Variants in TMPRSS11E observed in about 807,000 individuals in gnomAD.
TMPRSS11E encodes transmembrane serine protease 11E, also known as transmembrane protease serine 11E.
A neutral mutation model predicts 48.1 loss-of-function variants in TMPRSS11E; 38 were observed. The observed-to-expected ratio is 0.79, with a 90% CI of 0.61 to 1.04. The LOEUF (loss-of-function observed/expected upper bound fraction) is 1.04, where lower values mean the gene tolerates loss of function less well. Ranked by LOEUF, TMPRSS11E falls within the 50% of genes least tolerant of loss-of-function variation. TMPRSS11E has a pLI of 0.00. For missense variants in TMPRSS11E, 530 were observed against 510.8 expected (o/e 1.04, Z -0.36); for synonymous variants, 158 against 171.9 (o/e 0.92, Z 0.63).
chr4:68,495,315 A>C (rs921141845), intron 9 of TMPRSS11E, among the ~76,000 whole-genome samples: 1 of 151,608 alleles, frequency 6.6e-6, no homozygotes, highest in African/African-American at 2.4e-5. Context: ...TTATTCTCGG[A>C]CTCATTTATT....
chr4:68,464,354 A>G (rs1235926290), intron 2 of TMPRSS11E, among the ~76,000 whole-genome samples: 3 of 152,160 alleles, frequency 2.0e-5, no homozygotes, highest in Non-Finnish European at 4.4e-5. Flanking sequence ...GACAATGTAG[A>G]ATTCTGTGTA....
At chr4:68,471,699 T>G in intron 5 of TMPRSS11E, 76 bp downstream of exon 5, 1 of 1,228,574 alleles carries the variant, frequency 8.1e-7, no homozygotes, top group Non-Finnish European at 1.1e-6. Context: ...ATTAAAAAAT[T>G]TTTTTTGATG....
Position 68,447,470 on chromosome 4 carries a change from T to C in TMPRSS11E, c.-43T>C. On this transcript the variant is annotated 5_prime_UTR_variant, in exon 1 of 10. It removes an upstream start codon present in the reference 5' UTR. Coordinates refer to ENST00000305363, the MANE Select transcript of TMPRSS11E (RefSeq NM_014058.4). Reference sequence around the variant, plus strand: ...ATAGAGCTGGATTCACACACTTGGATGTAGACCTCGACCTTCACAGGACTC... The same window carrying C: ...ATAGAGCTGGATTCACACACTTGGACGTAGACCTCGACCTTCACAGGACTC... 1 of 1,603,272 alleles carries C rather than the reference T, an allele frequency of 6.2e-7. No individual in the cohort carries two copies. Among genetic ancestry groups the C allele is most frequent in the East Asian group, 2.2e-5 (1 of 44,500 alleles).
At chr4:68,470,474 G>A (rs934602445) in intron 4 of TMPRSS11E, among the ~76,000 whole-genome samples, 3 of 151,898 alleles carry the variant, frequency 2.0e-5, no homozygotes, top group South Asian at 2.1e-4. Context: ...ACTTATTTTC[G>A]TGTCCTGAAA....
At chr4:68,493,475 TG>T (rs918856637) in intron 9 of TMPRSS11E, among the ~76,000 whole-genome samples, 8 of 152,064 alleles carry the variant, frequency 5.3e-5, no homozygotes, top group Non-Finnish European at 1.2e-4. Flanking sequence ...CCCATTTTTT[TG>T]GGGGGGAGGG....
chr4:68,462,515 G>A (rs1406572055), intron 2 of TMPRSS11E, among the ~76,000 whole-genome samples: 2 of 150,982 alleles, frequency 1.3e-5, no homozygotes, highest in Admixed American at 6.6e-5. Context: ...CCCAGGAGGC[G>A]GAGGTTTCAG....
At chr4:68,463,216 A>G (rs1728841235) in intron 2 of TMPRSS11E, among the ~76,000 whole-genome samples, 1 of 152,230 alleles carries the variant, frequency 6.6e-6, no homozygotes, top group Admixed American at 6.5e-5. Context: ...AATATTTAAA[A>G]CAAAGATTTT....
chr4:68,449,187 T>C (rs927316735), intron 1 of TMPRSS11E, among the ~76,000 whole-genome samples: 1 of 151,688 alleles, frequency 6.6e-6, no homozygotes, highest in Non-Finnish European at 1.5e-5. Context: ...ATTATTCTTC[T>C]TGTACTGCCA....
chr4:68,488,584 G>C (rs1340263233), intron 9 of TMPRSS11E, among the ~76,000 whole-genome samples: 1 of 151,916 alleles, frequency 6.6e-6, no homozygotes, highest in Non-Finnish European at 1.5e-5. Flanking sequence ...GGTTGCCCAG[G>C]CTGGAGTGCA....
chr4:68,470,668 G>A (rs1729040771), intron 4 of TMPRSS11E, among the ~76,000 whole-genome samples: 1 of 151,880 alleles, frequency 6.6e-6, no homozygotes, highest in Non-Finnish European at 1.5e-5. Context: ...GTTTATGAGA[G>A]TAGTGGTTGA....
chr4:68,488,315 A>C (rs1729619493), intron 9 of TMPRSS11E, among the ~76,000 whole-genome samples: 1 of 152,076 alleles, frequency 6.6e-6, no homozygotes, highest in African/African-American at 2.4e-5. Flanking sequence ...GATTTGGTAT[A>C]TTTATATAAT....
rs954769706 is a variant in TMPRSS11E, at chr4:68,471,632, A to G, written c.490+9A>G. On this transcript the variant is annotated intron_variant, in intron 5 of 9. Coordinates refer to ENST00000305363, the MANE Select transcript of TMPRSS11E (RefSeq NM_014058.4). ...CTCAGTTAAAATTAAAAGTAAGTTA[A>G]TTTCTCTTATTTTTCTTTCATAGAA... 1.9e-6 allele frequency: 3 copies of G among 1,554,700 alleles called. No individual in the cohort carries two copies. Among genetic ancestry groups the G allele is most frequent in the African/African-American group, 1.4e-5 (1 of 71,804 alleles).
chr4:68,485,934 C>T (rs1323831495), intron 9 of TMPRSS11E, among the ~76,000 whole-genome samples: 2 of 152,042 alleles, frequency 1.3e-5, no homozygotes, highest in Non-Finnish European at 2.9e-5. Context: ...AGTTTGTGTG[C>T]ACAGAGGTGT....
rs1272134291 is a variant in TMPRSS11E at position 68,488,687 on chromosome 4, C to T, written c.1111-7956C>T. On this transcript the variant is annotated intron_variant, in intron 9 of 9. Coordinates refer to ENST00000305363, the MANE Select transcript of TMPRSS11E (RefSeq NM_014058.4). ...CTGAGTAGCTGGGATTACAGGGGCC[C>T]GCCACCATGCCCGGCTAATTTTTTT... Among the ~76,000 whole-genome samples, 8 of 137,100 alleles carry T rather than the reference C, an allele frequency of 5.8e-5. No individual in the cohort carries two copies. In the East Asian group the frequency reaches 2.3e-3, roughly 40 times the overall value. 89.9% of individuals were successfully genotyped at this position (137,100 alleles called of 152,430 possible).
chr4:68,474,664 T>A lies in TMPRSS11E; in HGVS notation c.491-59T>A, dbSNP rs969174877. 5.3e-6 allele frequency: 8 copies of A among 1,500,404 alleles called. No individual in the cohort carries two copies. In the African/African-American group the frequency reaches 1.1e-4, roughly 21 times the overall value. 92.9% of individuals were successfully genotyped at this position (1,500,404 alleles called of 1,614,324 possible). A position where few individuals can be genotyped will look rare whatever the true frequency, so the allele number is the denominator to read the frequency against. On this transcript the variant is annotated intron_variant, in intron 5 of 9. Transcript: ENST00000305363. ...AGCAGCCTTTTAGTATTTGAAATAC[T>A]CGGAGGCATAGTGTAACTCTGATGT...
chr4:68,464,520 T>C (rs1728876581), intron 2 of TMPRSS11E, among the ~76,000 whole-genome samples: 1 of 152,316 alleles, frequency 6.6e-6, no homozygotes, highest in East Asian at 1.9e-4. Context: ...TATTTTTAAC[T>C]TTTCTGTTAA....
At chr4:68,468,219 A>T (rs1728974915) in intron 3 of TMPRSS11E, among the ~76,000 whole-genome samples, 1 of 152,166 alleles carries the variant, frequency 6.6e-6, no homozygotes, top group African/African-American at 2.4e-5. Context: ...ACTGGAAACA[A>T]GACACCTTTG....
At chr4:68,461,782 A>C in intron 1 of TMPRSS11E, 39 bp from the exon 2 acceptor site, 1 of 1,613,558 alleles carries the variant, frequency 6.2e-7, no homozygotes, top group Non-Finnish European at 8.5e-7. Context: ...GATGTGTTGC[A>C]TGCTCTGAAA....
At chr4:68,466,496 A>T (rs1304495455) in intron 2 of TMPRSS11E, 135 bp from the exon 3 acceptor site, 4 of 820,972 alleles carry the variant, frequency 4.9e-6, no homozygotes, top group Non-Finnish European at 5.9e-6. Flanking sequence ...GGCCTGGGGC[A>T]GGATGATGAT....
Sources: allele counts gnomAD v4.1 joint callset (sites outside exome capture counted in the v4.1 genomes callset), GRCh38; gene constraint gnomAD v4.1.1; transcripts MANE v1.5; gene names NCBI Gene and HGNC (gene_info 2026-07-23, HGNC 2026-07-21).